Variants in RBMS3 observed in about 807,000 individuals in gnomAD.
RBMS3 encodes RNA binding motif single stranded interacting protein 3, also known as RNA-binding motif, single-stranded-interacting protein 3.
A neutral mutation model predicts 66.8 loss-of-function variants in RBMS3; 27 were observed. That is an observed-to-expected ratio of 0.40 (90% CI 0.30 to 0.56). The LOEUF is 0.56. Among genes scored for constraint, RBMS3 ranks in the 20% least tolerant of loss-of-function variants. The probability of loss-of-function intolerance (pLI) is 0.40; values close to 1 mark genes in which losing one functional copy is unlikely to be tolerated. For missense variants in RBMS3, 513 were observed against 549.5 expected (o/e 0.93, Z 0.66); for synonymous variants, 188 against 183.0 (o/e 1.03, Z -0.22).
intron 4 of RBMS3, among the ~76,000 whole-genome samples, chr3:29,630,464 C>T (rs191716846): frequency 3.4e-4 from 51 of 152,064 alleles, no homozygotes; most frequent in Non-Finnish European, 6.2e-4. Context: ...GTGCCTACTA[C>T]AGTGCCTGCT....
intron 8 of RBMS3, among the ~76,000 whole-genome samples, chr3:29,887,221 A>G (rs184299759): frequency 1.4e-3 from 217 of 151,910 alleles, no homozygotes; most frequent in Middle Eastern, 0.014. Context: ...GAGAGAAACA[A>G]AAGTGACCCT....
chr3:29,432,805 G>T (rs75075470), intron 1 of RBMS3, among the ~76,000 whole-genome samples: 2,438 of 152,322 alleles, frequency 0.016, 122 homozygotes, highest in East Asian at 0.12. Flanking sequence ...AGCCAGCCGA[G>T]TAGAGTGGGG....
chr3:29,703,083 C>G (rs2052704789), intron 4 of RBMS3, among the ~76,000 whole-genome samples: 1 of 152,202 alleles, frequency 6.6e-6, no homozygotes, highest in Non-Finnish European at 1.5e-5. Flanking sequence ...ACTTAACTTT[C>G]AAAGCAGCTA....
chr3:29,972,175 TCTC>T (rs2149761750), intron 12 of RBMS3, among the ~76,000 whole-genome samples: 1 of 152,074 alleles, frequency 6.6e-6, no homozygotes, highest in South Asian at 2.1e-4. Context: ...TCCTTCCAGT[TCTC>T]CTTTCTATTT....
intron 11 of RBMS3, among the ~76,000 whole-genome samples, chr3:29,939,814 A>T (rs142804124): frequency 6.6e-6 from 1 of 151,792 alleles, no homozygotes; most frequent in Non-Finnish European, 1.5e-5. Context: ...TCAGTCCCCA[A>T]TACTAACCTC....
At chr3:29,701,727 G>T (rs1333188986) in intron 4 of RBMS3, among the ~76,000 whole-genome samples, 1 of 152,166 alleles carries the variant, frequency 6.6e-6, no homozygotes, top group Non-Finnish European at 1.5e-5. Flanking sequence ...CAGCAGCTGC[G>T]GAGGGTGCAC....
rs142432454 is a variant in RBMS3, at chr3:29,320,286, C to G, written c.75+38530C>G. Among the ~76,000 whole-genome samples the G allele has an allele frequency of 4.1e-4, 62 of 152,106 alleles. 1 individual carries two copies. Among genetic ancestry groups the G allele is most frequent in the African/African-American group, 1.4e-3 (57 of 41,524 alleles). On this transcript the variant is annotated intron_variant, in intron 1 of 14. Transcript: ENST00000383767. ...AAAATAGGAGAACTTTCTCTGAGAC[C>G]TCTGAAAGGTTCAGGCTGCCTGTTT...
At chr3:29,347,414 A>G (rs2036639129) in intron 1 of RBMS3, among the ~76,000 whole-genome samples, 1 of 152,144 alleles carries the variant, frequency 6.6e-6, no homozygotes, top group African/African-American at 2.4e-5. Flanking sequence ...TTGATAGAGG[A>G]AAGGTCTAGG....
intron 3 of RBMS3, among the ~76,000 whole-genome samples, chr3:29,496,206 A>C (rs1023437608): frequency 6.6e-6 from 1 of 151,312 alleles, no homozygotes; most frequent in Non-Finnish European, 1.5e-5. Flanking sequence ...AAAAAAAAAA[A>C]AAAAAAAGAA....
chr3:29,787,330 A>G (rs914395644), intron 6 of RBMS3, among the ~76,000 whole-genome samples: 1 of 152,110 alleles, frequency 6.6e-6, no homozygotes, highest in Non-Finnish European at 1.5e-5. Context: ...TCCCCCTACT[A>G]CATATTTACC....
chr3:29,876,654 G>A (rs2059616309), intron 7 of RBMS3, among the ~76,000 whole-genome samples: 1 of 152,272 alleles, frequency 6.6e-6, no homozygotes, highest in African/African-American at 2.4e-5. Flanking sequence ...TGGAGAAAGA[G>A]CTGGCTTTAA....
intron 14 of RBMS3, among the ~76,000 whole-genome samples, chr3:29,995,458 A>G (rs1377157820): frequency 2.0e-5 from 3 of 152,004 alleles, no homozygotes; most frequent in African/African-American, 4.8e-5. Flanking sequence ...AAGACACATA[A>G]TTGTCAGATT....
At chr3:29,732,518 A>G (rs1044684643) in intron 4 of RBMS3, among the ~76,000 whole-genome samples, 2 of 152,182 alleles carry the variant, frequency 1.3e-5, no homozygotes, top group East Asian at 1.9e-4. Flanking sequence ...AAAATTAACT[A>G]TCACACAAAT....
At chr3:29,801,272 C>CTTTTTTTCTTTTTTTTTTTTTTTTTTTTT (rs553179866) in intron 6 of RBMS3, among the ~76,000 whole-genome samples, 1 of 129,478 alleles carries the variant, frequency 7.7e-6, no homozygotes, top group Non-Finnish European at 1.6e-5. Flanking sequence ...TGCTTTTTTT[C>CTTTTTTTCTTTTTTTTTTTTTTTTTTTTT]TTTTTTTTTT....
At chr3:29,898,949 C>T (rs1232128374) in intron 9 of RBMS3, among the ~76,000 whole-genome samples, 2 of 151,376 alleles carry the variant, frequency 1.3e-5, no homozygotes, top group Non-Finnish European at 1.5e-5. Flanking sequence ...CAGCAATGAT[C>T]GATGTTGTTG....
At chr3:29,519,374 G>T (rs562921302) in intron 3 of RBMS3, among the ~76,000 whole-genome samples, 1 of 152,330 alleles carries the variant, frequency 6.6e-6, no homozygotes, top group South Asian at 2.1e-4. Flanking sequence ...AGGGACAGAT[G>T]TGGGATGCAA....
chr3:29,870,949 C>G (rs752120979), intron 7 of RBMS3, among the ~76,000 whole-genome samples: 15 of 152,030 alleles, frequency 9.9e-5, no homozygotes, highest in Non-Finnish European at 1.6e-4. Flanking sequence ...AATTTGTACA[C>G]TTTGATTGTG....
intron 4 of RBMS3, among the ~76,000 whole-genome samples, chr3:29,672,345 A>G (rs1192657461): frequency 6.6e-6 from 1 of 152,226 alleles, no homozygotes; most frequent in African/African-American, 2.4e-5. Flanking sequence ...CCAAATTGTA[A>G]AGACCATCAA....
chr3:29,617,931 C>T (rs115894032), intron 4 of RBMS3, among the ~76,000 whole-genome samples: 1 of 151,982 alleles, frequency 6.6e-6, no homozygotes, highest in Non-Finnish European at 1.5e-5. Context: ...GTCATGGGAG[C>T]GTGTATGTAT....
Sources: allele counts gnomAD v4.1 joint callset (sites outside exome capture counted in the v4.1 genomes callset), GRCh38; gene constraint gnomAD v4.1.1; transcripts MANE v1.5; gene names NCBI Gene and HGNC (gene_info 2026-07-23, HGNC 2026-07-21).